The following ROBO1 variants were observed in gnomAD, a reference collection of about 807,000 sequenced individuals.
ROBO1 encodes roundabout guidance receptor 1, also known as roundabout homolog 1.
Under a neutral mutation model 195.9 loss-of-function variants are expected in ROBO1, and 149 were observed. That is an observed-to-expected ratio of 0.76 (90% CI 0.67 to 0.87). The LOEUF (loss-of-function observed/expected upper bound fraction) is 0.87. Among genes scored for constraint, ROBO1 ranks in the 40% least tolerant of loss-of-function variants. The probability of loss-of-function intolerance (pLI) is 0.00; values close to 1 mark genes in which losing one functional copy is unlikely to be tolerated. For missense variants in ROBO1, 1,933 were observed against 2,068.3 expected (o/e 0.93, Z 1.27); for synonymous variants, 816 against 733.2 (o/e 1.11, Z -1.82).
chr3:79,103,115 A>C (rs2079710169), intron 3 of ROBO1, among the ~76,000 whole-genome samples: 4 of 151,848 alleles, frequency 2.6e-5, no homozygotes, highest in Non-Finnish European at 1.5e-5. Context: ...AATTCCACTT[A>C]AAACAAGCAC....
chr3:79,661,480 C>A (rs1346292604), intron 1 of ROBO1, among the ~76,000 whole-genome samples: 1 of 152,070 alleles, frequency 6.6e-6, no homozygotes, highest in African/African-American at 2.4e-5. Context: ...TTCAAATTAA[C>A]AGATACTGCT....
intron 28 of ROBO1, among the ~76,000 whole-genome samples, chr3:78,610,727 A>G (rs1359004326): frequency 6.6e-6 from 1 of 152,166 alleles, no homozygotes; most frequent in African/African-American, 2.4e-5. Flanking sequence ...ACAAGTTAAA[A>G]AGAGAAGAGA....
intron 3 of ROBO1, among the ~76,000 whole-genome samples, chr3:79,098,852 C>A (rs937487992): frequency 6.6e-6 from 1 of 151,382 alleles, no homozygotes; most frequent in South Asian, 2.1e-4. Context: ...CGAAGATGGC[C>A]GACAGATGAA....
At position 79,685,958 on chromosome 3, in the gene ROBO1, A is replaced by G. The variant is rs1472844487; in HGVS notation, c.-51+81794T>C. On this transcript the variant is annotated intron_variant, in intron 1 of 30. Transcript: ENST00000464233. The stretch of plus-strand genomic sequence containing the variant: ...AGACCAATATCCTTGATGAAAGCCA[A>G]TGCAAAAATCCTCAATAAAATACTG... Among the ~76,000 whole-genome samples, 7 of 152,230 alleles carry G rather than the reference A, an allele frequency of 4.6e-5. No individual in the cohort carries two copies. In the East Asian group the frequency reaches 5.8e-4, roughly 13 times the overall value.
intron 20 of ROBO1, among the ~76,000 whole-genome samples, chr3:78,646,486 G>A (rs1175018486): frequency 6.6e-6 from 1 of 150,688 alleles, no homozygotes; most frequent in African/African-American, 2.4e-5. Context: ...CAAAACATCA[G>A]TACACTTATT....
intron 1 of ROBO1, among the ~76,000 whole-genome samples, chr3:79,687,667 G>A (rs1477899251): frequency 6.6e-6 from 1 of 152,148 alleles, no homozygotes; most frequent in Non-Finnish European, 1.5e-5. Flanking sequence ...AAACCACAAT[G>A]AGATACCATC....
chr3:79,087,248 A>G (rs2108478849), intron 3 of ROBO1, among the ~76,000 whole-genome samples: 1 of 152,244 alleles, frequency 6.6e-6, no homozygotes, highest in Admixed American at 6.5e-5. Context: ...CCTTAATTTT[A>G]AGCATAAGCC....
chr3:78,616,890 A>G (rs1411329012), intron 27 of ROBO1, among the ~76,000 whole-genome samples: 1 of 152,158 alleles, frequency 6.6e-6, no homozygotes, highest in African/African-American at 2.4e-5. Flanking sequence ...AGGAGGAGAT[A>G]AGTAAAAATA....
At chr3:79,519,121 A>G (rs965550927) in intron 2 of ROBO1, among the ~76,000 whole-genome samples, 4 of 152,104 alleles carry the variant, frequency 2.6e-5, no homozygotes, top group African/African-American at 4.8e-5. Context: ...GAAAGCCCCA[A>G]TGTCTCCTCA....
At chr3:79,512,963 C>G (rs1940781747) in intron 2 of ROBO1, 1 of 152,094 alleles carries the variant, frequency 6.6e-6, no homozygotes, top group Non-Finnish European at 1.5e-5. Flanking sequence ...CTGTTTGTAT[C>G]AAGCACAATG....
At chr3:79,615,933 C>A (rs1944804736) in intron 1 of ROBO1, among the ~76,000 whole-genome samples, 1 of 152,148 alleles carries the variant, frequency 6.6e-6, no homozygotes, top group African/African-American at 2.4e-5. Flanking sequence ...TCCAAAGTTA[C>A]AGGCCCAAGG....
At chr3:78,903,733 A>T (rs1165084614) in intron 4 of ROBO1, among the ~76,000 whole-genome samples, 4 of 152,106 alleles carry the variant, frequency 2.6e-5, no homozygotes, top group Non-Finnish European at 5.9e-5. Flanking sequence ...TACTATACCA[A>T]TATCATGGAA....
At chr3:78,912,370 T>TA (rs2038296975) in intron 4 of ROBO1, among the ~76,000 whole-genome samples, 1 of 152,040 alleles carries the variant, frequency 6.6e-6, no homozygotes, top group Non-Finnish European at 1.5e-5. Context: ...TTACAGAAAA[T>TA]ACCAGCTGTC....
chr3:78,971,593 C>T (rs1261913999), intron 3 of ROBO1, among the ~76,000 whole-genome samples: 1 of 152,218 alleles, frequency 6.6e-6, no homozygotes, highest in Admixed American at 6.5e-5. Context: ...GCCAACCATA[C>T]TGCTCAACCC....
chr3:79,730,945 T>C (rs1489802745), intron 1 of ROBO1, among the ~76,000 whole-genome samples: 1 of 151,806 alleles, frequency 6.6e-6, no homozygotes, highest in Non-Finnish European at 1.5e-5. Context: ...GCCCAGCTAA[T>C]TTTTTGTATT....
chr3:78,864,259 C>T (rs1237470639), intron 4 of ROBO1, among the ~76,000 whole-genome samples: 1 of 152,050 alleles, frequency 6.6e-6, no homozygotes, highest in Non-Finnish European at 1.5e-5. Context: ...GATGGTAGCT[C>T]TTAGCCAAAA....
intron 1 of ROBO1, among the ~76,000 whole-genome samples, chr3:79,657,773 G>T (rs1946211590): frequency 6.6e-6 from 1 of 152,044 alleles, no homozygotes; most frequent in Non-Finnish European, 1.5e-5. Flanking sequence ...ATCATATCTA[G>T]ATTTTGAATG....
chr3:79,199,577 G>T (rs568634774), intron 2 of ROBO1, among the ~76,000 whole-genome samples: 4 of 150,904 alleles, frequency 2.7e-5, no homozygotes, highest in African/African-American at 9.8e-5. Flanking sequence ...TGGATCAAGG[G>T]TTACATAACT....
At chr3:78,805,605 T>C (rs1281457541) in intron 4 of ROBO1, among the ~76,000 whole-genome samples, 1 of 151,998 alleles carries the variant, frequency 6.6e-6, no homozygotes, top group Non-Finnish European at 1.5e-5. Flanking sequence ...ATAGCATCTT[T>C]ATTTTAAGAG....
Sources: allele counts gnomAD v4.1 joint callset (sites outside exome capture counted in the v4.1 genomes callset), GRCh38; gene constraint gnomAD v4.1.1; transcripts MANE v1.5; gene names NCBI Gene and HGNC (gene_info 2026-07-23, HGNC 2026-07-21).